ENTREP2: variants seen among roughly 807,000 people sequenced by gnomAD.
ENTREP2 encodes protein ENTREP2.
chr15:29,666,341 T>C, the ENTREP2 span, among the ~76,000 whole-genome samples: 1 of 152,042 alleles, frequency 6.6e-6, no homozygotes, highest in African/African-American at 2.4e-5. Flanking sequence ...GCTCATGCTC[T>C]CTCACCCATC....
the ENTREP2 span, among the ~76,000 whole-genome samples, chr15:29,558,486 G>A: frequency 2.0e-5 from 3 of 151,312 alleles, no homozygotes; most frequent in South Asian, 2.1e-4. Flanking sequence ...AGACCAGCCC[G>A]GCCGGTCACC....
chr15:29,332,470 GC>G, the ENTREP2 span, among the ~76,000 whole-genome samples: 3 of 152,238 alleles, frequency 2.0e-5, no homozygotes, highest in Admixed American at 1.3e-4. Flanking sequence ...TCGCTAAAAA[GC>G]TTTGAGTTTT....
At chr15:29,187,266 CTT>C in the ENTREP2 span, among the ~76,000 whole-genome samples, 1 of 151,994 alleles carries the variant, frequency 6.6e-6, no homozygotes, top group East Asian at 1.9e-4. Context: ...GTTTTTCTTT[CTT>C]TCTTTTCTTC....
chr15:29,263,880 T>TG, the ENTREP2 span, among the ~76,000 whole-genome samples: 11 of 152,034 alleles, frequency 7.2e-5, no homozygotes, highest in African/African-American at 2.7e-4. Flanking sequence ...AACTCCTGGG[T>TG]GGGCGCGGTG....
At chr15:29,315,843 G>C in the ENTREP2 span, among the ~76,000 whole-genome samples, 12 of 152,192 alleles carry the variant, frequency 7.9e-5, no homozygotes, top group Admixed American at 6.5e-4. Context: ...CACTGCTACA[G>C]ACTGACCCCA....
chr15:29,339,880 C>T, the ENTREP2 span, among the ~76,000 whole-genome samples: 1 of 152,246 alleles, frequency 6.6e-6, no homozygotes, highest in African/African-American at 2.4e-5. Flanking sequence ...TGATTCATCA[C>T]CTGATGTTAT....
chr15:29,394,347 G>T, the ENTREP2 span, among the ~76,000 whole-genome samples: 2 of 152,042 alleles, frequency 1.3e-5, no homozygotes, highest in Admixed American at 6.5e-5. Context: ...CAATGTCATT[G>T]AACTATGTGG....
At chr15:29,570,942 C>G in the ENTREP2 span, among the ~76,000 whole-genome samples, 1 of 144,878 alleles carries the variant, frequency 6.9e-6, no homozygotes, top group African/African-American at 2.5e-5. Flanking sequence ...CCGCCGCCGC[C>G]GCGCCGCCCG....
At chr15:29,428,281 T>C in the ENTREP2 span, among the ~76,000 whole-genome samples, 171 of 152,314 alleles carry the variant, frequency 1.1e-3, 1 homozygote, top group African/African-American at 3.9e-3. Flanking sequence ...TGGTTCGATC[T>C]TGGCTCACTG....
the ENTREP2 span, among the ~76,000 whole-genome samples, chr15:29,536,815 C>T: frequency 1.3e-5 from 2 of 152,074 alleles, no homozygotes; most frequent in African/African-American, 4.8e-5. Context: ...CACAGGAGAG[C>T]CCCAGGTGAA....
chr15:29,397,908 C>G, the ENTREP2 span, among the ~76,000 whole-genome samples: 2 of 151,984 alleles, frequency 1.3e-5, no homozygotes, highest in Non-Finnish European at 2.9e-5. Context: ...GGCTTTTAAA[C>G]AGAAGTACAT....
the ENTREP2 span, among the ~76,000 whole-genome samples, chr15:29,674,133 G>GA: frequency 6.7e-6 from 1 of 148,690 alleles, no homozygotes; most frequent in South Asian, 2.2e-4. Flanking sequence ...GAGGATGGGG[G>GA]GGGGGGGGGG....
chr15:29,212,058 T>C, the ENTREP2 span, among the ~76,000 whole-genome samples: 1 of 152,174 alleles, frequency 6.6e-6, no homozygotes, highest in African/African-American at 2.4e-5. Flanking sequence ...TTGGTACCAA[T>C]TCCTTTTTGA....
chr15:29,315,810 C>T, the ENTREP2 span, among the ~76,000 whole-genome samples: 1 of 152,038 alleles, frequency 6.6e-6, no homozygotes, highest in African/African-American at 2.4e-5. Flanking sequence ...ATGCAGTAAA[C>T]AGGAATAAGA....
the ENTREP2 span, among the ~76,000 whole-genome samples, chr15:29,489,909 C>T: frequency 1.3e-5 from 2 of 152,140 alleles, no homozygotes; most frequent in Non-Finnish European, 2.9e-5. Flanking sequence ...TGAAGTTTTG[C>T]TACAAAGATC....
At chr15:29,448,165 C>T in the ENTREP2 span, among the ~76,000 whole-genome samples, 5 of 152,138 alleles carry the variant, frequency 3.3e-5, no homozygotes. Flanking sequence ...CTAATTAATG[C>T]TACCAGGTGA....
chr15:29,380,646 G>C, the ENTREP2 span, among the ~76,000 whole-genome samples: 1 of 151,988 alleles, frequency 6.6e-6, no homozygotes, highest in South Asian at 2.1e-4. Flanking sequence ...CATCTCCCGC[G>C]TGGCCTGCTC....
chr15:29,671,082 T>C, the ENTREP2 span, among the ~76,000 whole-genome samples: 1 of 152,062 alleles, frequency 6.6e-6, no homozygotes, highest in Admixed American at 6.6e-5. Context: ...TGGTCAATGA[T>C]TAATGAATCA....
At chr15:29,548,292 A>G in the ENTREP2 span, among the ~76,000 whole-genome samples, 4 of 151,852 alleles carry the variant, frequency 2.6e-5, no homozygotes, top group Admixed American at 2.6e-4. Context: ...CATCTCTACT[A>G]AAAAACTACA....
Sources: allele counts gnomAD v4.1 joint callset (sites outside exome capture counted in the v4.1 genomes callset), GRCh38; gene constraint gnomAD v4.1.1; transcripts MANE v1.5; gene names NCBI Gene and HGNC (gene_info 2026-07-23, HGNC 2026-07-21).